The following CRYAB variants were observed in gnomAD, a reference collection of about 807,000 sequenced individuals.
The protein encoded by CRYAB is alpha-crystallin B chain.
In CRYAB, 9 loss-of-function variants were observed where a neutral mutation model predicts 12.7. The observed-to-expected ratio is 0.71, with a 90% CI of 0.43 to 1.24. The LOEUF is 1.24. Ranked by LOEUF, CRYAB falls within the 50% of genes most tolerant of loss-of-function variation. CRYAB has a pLI of 0.00. For synonymous variants in CRYAB, 93 were observed against 86.8 expected, an observed-to-expected ratio of 1.07 and a Z score of -0.40; for missense variants, 183 against 226.6, an observed-to-expected ratio of 0.81 and a Z score of 1.24.
upstream of CRYAB, chr11:111,913,211 C>T (rs1047590354): frequency 1.0e-5 from 6 of 586,282 alleles, no homozygotes; most frequent in East Asian, 1.7e-4. Flanking sequence ...GCCTCCTCCT[C>T]CTCCCCCTCC....
chr11:111,916,851 CT>C (rs1171422407), upstream of CRYAB, among the ~76,000 whole-genome samples: 13 of 151,552 alleles, frequency 8.6e-5, no homozygotes, highest in Non-Finnish European at 1.5e-4. Context: ...TTTTCTTTTC[CT>C]TTTTTTCTTT....
In CRYAB at chr11:111,911,636, T is replaced by C; in HGVS notation, c.89A>G (p.Glu30Gly). The part of the protein sequence containing the change: ...PSRLFDQFFG[E>G]HLLESDLFPT... ...GAAAAGATCAGACTCCAACAGGTGCTCTCCGAAGAACTGGTCAAAGAGGCG... is the reference window on the plus strand; with the variant it reads ...GAAAAGATCAGACTCCAACAGGTGCCCTCCGAAGAACTGGTCAAAGAGGCG... The change falls in exon 1 of 3, where the codon GAG becomes GGG. Residue 30 changes from glutamate to glycine, a missense_variant. By Grantham distance (98) the Glu-to-Gly change is moderately conservative. Transcript: ENST00000650687. 1.2e-6 allele frequency: 2 copies of C among 1,611,620 alleles called. No homozygotes were observed. Among genetic ancestry groups the C allele is most frequent in the Non-Finnish European group, 1.7e-6 (2 of 1,179,204 alleles).
chr11:111,916,415 G>T (rs1312234018), upstream of CRYAB, among the ~76,000 whole-genome samples: 3 of 151,824 alleles, frequency 2.0e-5, no homozygotes, highest in African/African-American at 7.3e-5. Flanking sequence ...TAGAGACTGG[G>T]TTTCGCCATG....
chr11:111,919,492 AAC>A (rs1555166347), intron 1 of CRYAB, among the ~76,000 whole-genome samples: 1 of 152,000 alleles, frequency 6.6e-6, no homozygotes, highest in Non-Finnish European at 1.5e-5. Flanking sequence ...AACAAAAAAA[AAC>A]AGAGCCAAGC....
chr11:111,921,478 A>G (rs1003261138), intron 1 of CRYAB, among the ~76,000 whole-genome samples: 3 of 152,214 alleles, frequency 2.0e-5, no homozygotes, highest in Admixed American at 2.0e-4. Context: ...TTAAGTTAGT[A>G]AAAAAGGCCC....
chr11:111,910,498 T>G, intron 1 of CRYAB, 49 bp from the exon 2 acceptor site: 1 of 1,609,822 alleles, frequency 6.2e-7, no homozygotes, highest in Non-Finnish European at 8.5e-7. Context: ...AGGGCAAAAA[T>G]ACTGATTACA....
At chr11:111,918,665 T>C in intron 1 of CRYAB, 1 of 681,246 alleles carries the variant, frequency 1.5e-6, no homozygotes, top group East Asian at 2.7e-5. Flanking sequence ...CCAAGAGCCC[T>C]TTTCTATCTC....
At chr11:111,916,405 T>C (rs1965598467), upstream of CRYAB, among the ~76,000 whole-genome samples, 1 of 152,030 alleles carries the variant, frequency 6.6e-6, no homozygotes, top group African/African-American at 2.4e-5. Flanking sequence ...TAATTTTTTG[T>C]AGAGACTGGG....
rs752415120 is a variant in CRYAB at position 111,921,964 on chromosome 11, C to T, written c.-199+1739G>A. 7.6e-4 allele frequency among the ~76,000 whole-genome samples: 116 copies of T among 152,290 alleles called. 1 individual carries two copies. The highest frequency in any genetic ancestry group is 1.3e-3 in the Non-Finnish European group (88 of 68,036). On this transcript the variant is annotated intron_variant, in intron 1 of 3. Transcript: ENST00000527950. ...TCTCATGCCTCAGTCTCCCTAGTAGCTGGCATTACAGGTGCGTGCCACCAC... is the reference window on the plus strand; with the variant it reads ...TCTCATGCCTCAGTCTCCCTAGTAGTTGGCATTACAGGTGCGTGCCACCAC...
chr11:111,913,057 A>G, upstream of CRYAB: 3 of 643,312 alleles, frequency 4.7e-6, no homozygotes, highest in East Asian at 2.9e-5. Context: ...CCCACCCCAG[A>G]CTACCCCTCA....
At chr11:111,911,383 T>A in intron 1 of CRYAB, 141 bp downstream of exon 1, 1 of 798,774 alleles carries the variant, frequency 1.3e-6, no homozygotes, top group South Asian at 1.5e-5. Context: ...AGGAAGGCAC[T>A]AGCAACCTCC....
intron 1 of CRYAB, among the ~76,000 whole-genome samples, chr11:111,922,954 C>T (rs1402821242): frequency 3.3e-5 from 5 of 152,278 alleles, no homozygotes; most frequent in African/African-American, 1.2e-4. Context: ...AATCCCATCG[C>T]CTGTGTATCT....
upstream of CRYAB, chr11:111,913,506 G>T: frequency 6.2e-7 from 1 of 1,613,848 alleles, no homozygotes; most frequent in South Asian, 1.1e-5. Flanking sequence ...GCCTCGGGCC[G>T]CCCCAGCTGG....
upstream of CRYAB, chr11:111,912,129 T>A (rs1555165670): frequency 8.1e-6 from 2 of 245,760 alleles, no homozygotes; most frequent in African/African-American, 2.2e-5. Context: ...TTTCCAGTCC[T>A]GAATGCCAGG....
chr11:111,913,858 C>A (rs1566416016), upstream of CRYAB: 1 of 1,612,946 alleles, frequency 6.2e-7, no homozygotes, highest in Non-Finnish European at 8.5e-7. Context: ...CCTCCTGATC[C>A]AGAGGAAGAG....
At chr11:111,913,257 G>A (rs1364196653), upstream of CRYAB, 5 of 610,830 alleles carry the variant, frequency 8.2e-6, no homozygotes, top group South Asian at 2.0e-5. Flanking sequence ...TTTCCTTTCC[G>A]TTCTCTTTCC....
intron 1 of CRYAB, among the ~76,000 whole-genome samples, chr11:111,920,592 C>G (rs908990984): frequency 7.3e-5 from 11 of 151,354 alleles, no homozygotes; most frequent in African/African-American, 2.7e-4. Context: ...AGGGTGGCCC[C>G]ATCTCTACAA....
chr11:111,921,546 T>C (rs964278776), intron 1 of CRYAB, among the ~76,000 whole-genome samples: 1 of 152,316 alleles, frequency 6.6e-6, no homozygotes, highest in African/African-American at 2.4e-5. Flanking sequence ...AATGTCAGGA[T>C]TGAAAAAATA....
intron 1 of CRYAB, among the ~76,000 whole-genome samples, chr11:111,922,871 G>C (rs1050802906): frequency 1.1e-4 from 17 of 152,152 alleles, no homozygotes; most frequent in Admixed American, 1.1e-3. Context: ...CATTCTAGGA[G>C]GATTGCACAG....
Sources: gnomAD v4.1 joint callset for allele counts (sites outside exome capture counted in the v4.1 genomes callset) on GRCh38, gnomAD v4.1.1 for gene constraint, MANE v1.5 for transcripts, NCBI Gene and HGNC (gene_info 2026-07-23, HGNC 2026-07-21) for gene names.